Variants in FUT9 observed in about 807,000 individuals in gnomAD.
The protein encoded by FUT9 is 4-galactosyl-N-acetylglucosaminide 3-alpha-L-fucosyltransferase 9.
In FUT9, 15 loss-of-function variants were observed where a neutral mutation model predicts 29.7. That is an observed-to-expected ratio of 0.51 (90% CI 0.34 to 0.78). The LOEUF (loss-of-function observed/expected upper bound fraction) is 0.78. FUT9 is among the 30% of genes least tolerant of loss of function. The probability of loss-of-function intolerance (pLI) is 0.01; values close to 1 mark genes in which losing one functional copy is unlikely to be tolerated. For synonymous variants in FUT9, 169 were observed against 153.7 expected, an observed-to-expected ratio of 1.10 and a Z score of -0.74; for missense variants, 319 against 425.4, an observed-to-expected ratio of 0.75 and a Z score of 2.20.
At chr6:96,131,906 T>C (rs1367749632) in intron 2 of FUT9, among the ~76,000 whole-genome samples, 1 of 152,118 alleles carries the variant, frequency 6.6e-6, no homozygotes, top group African/African-American at 2.4e-5. Flanking sequence ...AACATGTCAG[T>C]AAATTACAAG....
intron 2 of FUT9, among the ~76,000 whole-genome samples, chr6:96,195,825 G>C (rs1423579240): frequency 6.6e-6 from 1 of 152,110 alleles, no homozygotes; most frequent in African/African-American, 2.4e-5. Context: ...GTAGTATTCA[G>C]ATTTTTGCAG....
chr6:96,195,219 T>C (rs938158241), intron 2 of FUT9, among the ~76,000 whole-genome samples: 9 of 152,254 alleles, frequency 5.9e-5, no homozygotes, highest in Non-Finnish European at 4.4e-5. Context: ...AAGACATGCA[T>C]TGGACTGTCT....
At chr6:96,153,988 G>A (rs1772729135) in intron 2 of FUT9, among the ~76,000 whole-genome samples, 2 of 152,160 alleles carry the variant, frequency 1.3e-5, no homozygotes, top group South Asian at 4.1e-4. Flanking sequence ...TTGATCATCA[G>A]ACTGTATGTT....
chr6:96,152,219 A>G (rs532618397), intron 2 of FUT9, among the ~76,000 whole-genome samples: 3 of 152,288 alleles, frequency 2.0e-5, no homozygotes, highest in East Asian at 3.9e-4. Flanking sequence ...GTTTTTACCT[A>G]TTACACGCTG....
chr6:96,139,252 A>G (rs1224084086), intron 2 of FUT9, among the ~76,000 whole-genome samples: 1 of 152,178 alleles, frequency 6.6e-6, no homozygotes, highest in Admixed American at 6.5e-5. Flanking sequence ...CAAATCTTAA[A>G]GCTTCGAAAG....
At chr6:96,143,464 T>G (rs533930241) in intron 2 of FUT9, among the ~76,000 whole-genome samples, 2 of 152,170 alleles carry the variant, frequency 1.3e-5, no homozygotes, top group East Asian at 3.9e-4. Context: ...GTTCCTTCCT[T>G]CATTCATTCC....
intron 2 of FUT9, among the ~76,000 whole-genome samples, chr6:96,183,990 A>C (rs1038650761): frequency 3.3e-5 from 5 of 151,848 alleles, no homozygotes; most frequent in African/African-American, 9.7e-5. Context: ...CTCTTTCTCT[A>C]TCTTGTGGAA....
At chr6:96,175,912 A>G (rs770460945) in intron 2 of FUT9, among the ~76,000 whole-genome samples, 3 of 152,212 alleles carry the variant, frequency 2.0e-5, no homozygotes, top group East Asian at 1.9e-4. Flanking sequence ...CAATGGATTC[A>G]GTAAGGAAGA....
intron 2 of FUT9, among the ~76,000 whole-genome samples, chr6:96,148,130 C>T (rs1270114859): frequency 6.6e-6 from 1 of 152,098 alleles, no homozygotes; most frequent in Non-Finnish European, 1.5e-5. Flanking sequence ...CACCAAATAT[C>T]TCACAAAGCT....
intron 2 of FUT9, among the ~76,000 whole-genome samples, chr6:96,150,094 G>A (rs1256047430): frequency 6.6e-6 from 1 of 152,030 alleles, no homozygotes; most frequent in Non-Finnish European, 1.5e-5. Context: ...GCCTACCTGG[G>A]TCTTGATTCT....
intron 2 of FUT9, among the ~76,000 whole-genome samples, chr6:96,160,279 G>A (rs1772872473): frequency 6.6e-6 from 1 of 151,848 alleles, no homozygotes; most frequent in African/African-American, 2.4e-5. Flanking sequence ...AGAGTGGGGA[G>A]GAAACTGTGA....
chr6:96,144,995 T>C (rs1435904611), intron 2 of FUT9, among the ~76,000 whole-genome samples: 1 of 152,192 alleles, frequency 6.6e-6, no homozygotes, highest in Non-Finnish European at 1.5e-5. Context: ...ATTTCTGTAT[T>C]ATATCATAGC....
At chr6:96,025,851 T>C (rs1770158337) in intron 1 of FUT9, among the ~76,000 whole-genome samples, 1 of 151,660 alleles carries the variant, frequency 6.6e-6, no homozygotes, top group African/African-American at 2.4e-5. Context: ...TGGATGCTGG[T>C]AGAAAACAAT....
chr6:96,180,053 ATCT>A (rs1248271175), intron 2 of FUT9, among the ~76,000 whole-genome samples: 2 of 152,034 alleles, frequency 1.3e-5, no homozygotes, highest in Non-Finnish European at 2.9e-5. Flanking sequence ...TTCATGGAAA[ATCT>A]TCTGCAATCC....
At chr6:96,180,061 C>A (rs1316279509) in intron 2 of FUT9, among the ~76,000 whole-genome samples, 1 of 152,050 alleles carries the variant, frequency 6.6e-6, no homozygotes, top group East Asian at 1.9e-4. Flanking sequence ...AAATCTTCTG[C>A]AATCCTGTCT....
chr6:96,152,124 A>G (rs1772688343), intron 2 of FUT9, among the ~76,000 whole-genome samples: 1 of 152,162 alleles, frequency 6.6e-6, no homozygotes, highest in Non-Finnish European at 1.5e-5. Flanking sequence ...ATAGGGAAGG[A>G]GCCTGTCTTT....
chr6:96,102,328 C>T (rs1771602118), intron 1 of FUT9, among the ~76,000 whole-genome samples: 1 of 151,598 alleles, frequency 6.6e-6, no homozygotes, highest in Non-Finnish European at 1.5e-5. Context: ...ACTAAATTTA[C>T]CTGAGTTTAA....
chr6:96,186,417 A>G (rs1032362783), intron 2 of FUT9, among the ~76,000 whole-genome samples: 4 of 152,126 alleles, frequency 2.6e-5, no homozygotes, highest in African/African-American at 7.2e-5. Context: ...CATCTAAGGT[A>G]ATACTCTCTC....
intron 1 of FUT9, among the ~76,000 whole-genome samples, chr6:96,019,299 AACC>A (rs1770030763): frequency 6.6e-6 from 1 of 152,034 alleles, no homozygotes; most frequent in Non-Finnish European, 1.5e-5. Flanking sequence ...GTCAAGAGAT[AACC>A]ACATACAATA....
Sources: allele counts gnomAD v4.1 joint callset (sites outside exome capture counted in the v4.1 genomes callset), GRCh38; gene constraint gnomAD v4.1.1; transcripts MANE v1.5; gene names NCBI Gene and HGNC (gene_info 2026-07-23, HGNC 2026-07-21).